The following NIPA1 variants were observed in gnomAD, a reference collection of about 807,000 sequenced individuals.
NIPA1 encodes magnesium transporter NIPA1.
A neutral mutation model predicts 23.9 loss-of-function variants in NIPA1; 13 were observed. The observed-to-expected ratio is 0.54, with a 90% confidence interval of 0.35 to 0.87. The LOEUF (loss-of-function observed/expected upper bound fraction) is 0.87. Ranked by LOEUF, NIPA1 falls within the 40% of genes least tolerant of loss-of-function variation. The probability of loss-of-function intolerance (pLI) is 0.01; values close to 1 mark genes in which losing one functional copy is unlikely to be tolerated. For missense variants in NIPA1, 362 were observed against 429.7 expected, an observed-to-expected ratio of 0.84 and a Z score of 1.39; for synonymous variants, 234 against 202.9, an observed-to-expected ratio of 1.15 and a Z score of -1.30.
intron 1 of NIPA1, among the ~76,000 whole-genome samples, chr15:22,791,473 C>A (rs899111392): frequency 8.4e-5 from 6 of 71,014 alleles, no homozygotes; most frequent in East Asian, 4.8e-4. Context: ...CTTCCTCTTT[C>A]ACTTTTTTTT....
chr15:22,811,971 A>G (rs1895325990), intron 2 of NIPA1, among the ~76,000 whole-genome samples, 192 bp from the exon 3 acceptor site: 1 of 152,214 alleles, frequency 6.6e-6, no homozygotes, highest in Admixed American at 6.5e-5. Flanking sequence ...CACCCGACTG[A>G]TGGGACCAGT....
chr15:22,815,514 C>T (rs1895398017), intron 3 of NIPA1, among the ~76,000 whole-genome samples: 1 of 152,068 alleles, frequency 6.6e-6, no homozygotes, highest in Admixed American at 6.5e-5. Flanking sequence ...TGGTGGCACA[C>T]ACCTGTAATC....
intron 1 of NIPA1, among the ~76,000 whole-genome samples, chr15:22,802,052 T>G (rs912589888): frequency 1.3e-5 from 2 of 152,104 alleles, no homozygotes; most frequent in African/African-American, 2.4e-5. Context: ...TTAGTTGTAT[T>G]AGGGTCAGCA....
intron 1 of NIPA1, among the ~76,000 whole-genome samples, chr15:22,798,228 T>C (rs936350993): frequency 7.2e-6 from 1 of 139,402 alleles, no homozygotes; most frequent in East Asian, 2.2e-4. Context: ...GAAACATATA[T>C]GCTAAAAATC....
intron 3 of NIPA1, among the ~76,000 whole-genome samples, chr15:22,818,942 C>T (rs906535007): frequency 1.5e-4 from 23 of 152,244 alleles, no homozygotes; most frequent in East Asian, 5.8e-4. Context: ...ACCCGTTGTC[C>T]GAGGCCAGTT....
chr15:22,818,338 A>G (rs1895466998), intron 3 of NIPA1, among the ~76,000 whole-genome samples: 1 of 152,088 alleles, frequency 6.6e-6, no homozygotes, highest in Non-Finnish European at 1.5e-5. Flanking sequence ...TGGGAGGCTG[A>G]GGCAGGAGAA....
intron 1 of NIPA1, among the ~76,000 whole-genome samples, chr15:22,793,796 G>A (rs1350962627): frequency 6.6e-6 from 1 of 152,124 alleles, no homozygotes; most frequent in African/African-American, 2.4e-5. Flanking sequence ...TGGCTATTAA[G>A]TTTTCCTAGC....
At chr15:22,814,283 AGTCTCGCT>A (rs1231101400) in intron 3 of NIPA1, 1 of 276,446 alleles carries the variant, frequency 3.6e-6, no homozygotes, top group Non-Finnish European at 7.1e-6. Context: ...TTTGAGACGG[AGTCTCGCT>A]CTGTCGCCCA....
intron 1 of NIPA1, 32 bp downstream of exon 1, chr15:22,786,866 CGGGT>C: frequency 7.8e-6 from 1 of 128,020 alleles, no homozygotes; most frequent in Non-Finnish European, 1.5e-5. Flanking sequence ...AGGCGGCGGG[CGGGT>C]GGGGGAGGCG....
chr15:22,824,365 C>A lies in NIPA1; in HGVS notation c.*126C>A. 1 of 902,158 alleles carries A rather than the reference C, an allele frequency of 1.1e-6. No individual in the cohort carries two copies. The highest frequency in any genetic ancestry group is 1.8e-6 in the Non-Finnish European group (1 of 551,552). The allele number at this position is 902,158 out of a possible 1,614,324, so 55.9% of individuals were successfully genotyped here. On this transcript the variant is annotated 3_prime_UTR_variant, in exon 5 of 5. Coordinates refer to ENST00000337435, the MANE Select transcript of NIPA1 (RefSeq NM_144599.5). This position sits in a 1 kb window ranked among gnomAD's most constrained non-coding sequence, Gnocchi z 4.1. ...AATTGACTGGATAGTAACAGGTGGTCTGGTGGATAGCGGGGAGCATGGCTC... is the reference window on the plus strand; with the variant it reads ...AATTGACTGGATAGTAACAGGTGGTATGGTGGATAGCGGGGAGCATGGCTC...
At chr15:22,802,314 C>CCT (rs1895101033) in intron 1 of NIPA1, among the ~76,000 whole-genome samples, 1 of 150,550 alleles carries the variant, frequency 6.6e-6, no homozygotes, top group Non-Finnish European at 1.5e-5. Context: ...AGCACTTGAA[C>CCT]CCGGGAAGTG....
intron 1 of NIPA1, among the ~76,000 whole-genome samples, chr15:22,808,972 C>T (rs1051662892): frequency 1.1e-4 from 17 of 152,096 alleles, no homozygotes; most frequent in African/African-American, 3.9e-4. Context: ...GCCCAGCCCC[C>T]ATTTCATTTT....
intron 1 of NIPA1, among the ~76,000 whole-genome samples, chr15:22,807,182 C>T (rs1895226731): frequency 1.3e-5 from 2 of 152,246 alleles, no homozygotes; most frequent in Non-Finnish European, 1.5e-5. Context: ...TTCCTGTGTA[C>T]CTGGTATTCC....
At chr15:22,813,805 C>T (rs1895363912) in intron 3 of NIPA1, 1 of 412,956 alleles carries the variant, frequency 2.4e-6, no homozygotes, top group East Asian at 7.2e-5. Context: ...ACACTGCTAT[C>T]ATGTGTGGCT....
At chr15:22,792,468 T>C (rs7164779) in intron 1 of NIPA1, among the ~76,000 whole-genome samples, 111,630 of 151,904 alleles carry the variant, frequency 0.73, 42,531 homozygotes, top group African/African-American at 0.93. Context: ...ACGCCATTTT[T>C]CTGCCTCAGC....
In NIPA1 at chr15:22,826,379, T is replaced by C. The variant is rs1201476876; in HGVS notation, c.*2140T>C. The C allele has an allele frequency of 6.6e-6, 1 of 152,210 alleles. No individual in the cohort carries two copies. The highest frequency in any genetic ancestry group is 1.5e-5 in the Non-Finnish European group (1 of 68,032). The allele number at this position is 152,210 out of a possible 1,614,324, so 9.4% of individuals were successfully genotyped here. On this transcript the variant is annotated 3_prime_UTR_variant, in exon 5 of 5. Transcript: ENST00000337435. ...TTTTGTGTTTTATCATCAGTGCTTTTAGAAATGCAGGCCTTAACTTACTGA... is the reference window on the plus strand; with the variant it reads ...TTTTGTGTTTTATCATCAGTGCTTTCAGAAATGCAGGCCTTAACTTACTGA...
intron 1 of NIPA1, among the ~76,000 whole-genome samples, chr15:22,795,095 G>T (rs1438826914): frequency 6.6e-6 from 1 of 152,068 alleles, no homozygotes; most frequent in Non-Finnish European, 1.5e-5. Context: ...GTCTTCAGGT[G>T]CCTCGGAGCT....
chr15:22,816,571 A>G (rs1269934941), intron 3 of NIPA1, among the ~76,000 whole-genome samples: 1 of 134,698 alleles, frequency 7.4e-6, no homozygotes, highest in African/African-American at 2.8e-5. Context: ...GGCTCACTGC[A>G]ACCTCGGCCT....
chr15:22,791,552 C>T (rs1163818592), intron 1 of NIPA1, among the ~76,000 whole-genome samples: 3 of 133,324 alleles, frequency 2.3e-5, no homozygotes, highest in Admixed American at 8.9e-5. Context: ...GGTGCCATCT[C>T]GGCTCACTGT....
Sources: gnomAD v4.1 joint callset for allele counts (sites outside exome capture counted in the v4.1 genomes callset) on GRCh38, gnomAD v4.1.1 for gene constraint, Gnocchi (gnomAD v3.1) non-coding constraint, MANE v1.5 for transcripts, NCBI Gene and HGNC (gene_info 2026-07-23, HGNC 2026-07-21) for gene names.